Variants in ANKS1B observed in about 807,000 individuals in gnomAD.
ANKS1B encodes the protein ankyrin repeat and sterile alpha motif domain containing 1B.
In ANKS1B, 36 loss-of-function variants were observed where a neutral mutation model predicts 148.3. The observed-to-expected ratio is 0.24, with a 90% CI of 0.19 to 0.32. The LOEUF (loss-of-function observed/expected upper bound fraction) is 0.32, where lower values mean the gene tolerates loss of function less well. ANKS1B is among the 10% of genes least tolerant of loss of function. The pLI is 1.00. For missense variants in ANKS1B, 1,157 were observed against 1,542.6 expected (o/e 0.75, Z 4.19); for synonymous variants, 542 against 560.8 (o/e 0.97, Z 0.47).
At chr12:99,654,121 T>G (rs2098438816) in intron 9 of ANKS1B, among the ~76,000 whole-genome samples, 1 of 152,194 alleles carries the variant, frequency 6.6e-6, no homozygotes, top group South Asian at 2.1e-4. Flanking sequence ...AAGAGATTTT[T>G]TAAGTACTAT....
intron 17 of ANKS1B, among the ~76,000 whole-genome samples, chr12:98,846,536 C>T (rs746083141): frequency 5.9e-5 from 9 of 152,282 alleles, no homozygotes; most frequent in Admixed American, 6.5e-5. Flanking sequence ...GTGGATGAGC[C>T]GAAAACCTCT....
At chr12:98,980,904 T>C (rs1182727496) in intron 17 of ANKS1B, among the ~76,000 whole-genome samples, 7 of 152,172 alleles carry the variant, frequency 4.6e-5, no homozygotes, top group Admixed American at 1.3e-4. Flanking sequence ...CCTGGGGCAA[T>C]TGTAGAAATC....
At chr12:99,710,426 T>C (rs947232883) in intron 8 of ANKS1B, among the ~76,000 whole-genome samples, 6 of 152,224 alleles carry the variant, frequency 3.9e-5, no homozygotes, top group African/African-American at 1.2e-4. Context: ...ACCTATAGTT[T>C]ATGGGATAAA....
intron 19 of ANKS1B, among the ~76,000 whole-genome samples, chr12:98,820,610 T>C (rs2099179622): frequency 6.6e-6 from 1 of 152,138 alleles, no homozygotes; most frequent in South Asian, 2.1e-4. Context: ...CAACATACAC[T>C]TTACCAAAAA....
At chr12:99,274,645 T>C (rs1466069940) in intron 12 of ANKS1B, among the ~76,000 whole-genome samples, 1 of 152,216 alleles carries the variant, frequency 6.6e-6, no homozygotes, top group African/African-American at 2.4e-5. Context: ...CAATGCCCTT[T>C]TAGTTTCTGC....
chr12:99,919,052 G>C (rs1179429881), intron 1 of ANKS1B, among the ~76,000 whole-genome samples: 1 of 152,184 alleles, frequency 6.6e-6, no homozygotes, highest in Admixed American at 6.5e-5. Context: ...CTTTGTACTA[G>C]CTAATCCTTA....
chr12:99,584,130 A>G (rs1320665627), intron 9 of ANKS1B, among the ~76,000 whole-genome samples: 3 of 152,240 alleles, frequency 2.0e-5, no homozygotes, highest in African/African-American at 7.2e-5. Context: ...ACACAGAAAG[A>G]ACAGAAAGGT....
chr12:99,815,068 C>T (rs1449478776), intron 2 of ANKS1B, among the ~76,000 whole-genome samples: 1 of 151,712 alleles, frequency 6.6e-6, no homozygotes, highest in Non-Finnish European at 1.5e-5. Context: ...TCTGAAACAA[C>T]TTCTCCTATA....
chr12:99,292,336 A>C (rs1239099214), intron 12 of ANKS1B, among the ~76,000 whole-genome samples: 1 of 148,022 alleles, frequency 6.8e-6, no homozygotes, highest in Non-Finnish European at 1.5e-5. Context: ...CTAAAAATAA[A>C]AATAAAAATA....
intron 17 of ANKS1B, among the ~76,000 whole-genome samples, chr12:98,997,812 C>T (rs1475459803): frequency 1.3e-5 from 2 of 152,150 alleles, no homozygotes; most frequent in South Asian, 2.1e-4. Flanking sequence ...AATCTTCGGA[C>T]ACTTAAATGT....
Position 98,745,426 on chromosome 12 carries a change from T to C in ANKS1B, c.*313A>G. ...AAGAAAAGGTATTATTTTCCCCAAATGAAGCAAAGCAAGTACTGGGGCGGA... is the reference window on the plus strand; with the variant it reads ...AAGAAAAGGTATTATTTTCCCCAAACGAAGCAAAGCAAGTACTGGGGCGGA... On this transcript the variant is annotated 3_prime_UTR_variant, in exon 27 of 27. Coordinates refer to ENST00000683438, the MANE Select transcript of ANKS1B (RefSeq NM_001352186.2). 3 of 1,001,314 alleles carry C rather than the reference T, an allele frequency of 3.0e-6. No individual in the cohort carries two copies. The highest frequency in any genetic ancestry group is 3.6e-6 in the Non-Finnish European group (3 of 843,516). 62.0% of individuals were successfully genotyped at this position (1,001,314 alleles called of 1,614,324 possible). A position where few individuals can be genotyped will look rare whatever the true frequency, so the allele number is the denominator to read the frequency against.
chr12:99,148,538 A>T (rs188269391), intron 15 of ANKS1B, among the ~76,000 whole-genome samples: 1 of 152,262 alleles, frequency 6.6e-6, no homozygotes, highest in East Asian at 1.9e-4. Flanking sequence ...TACAAGAACA[A>T]TTAGTAGCTC....
intron 9 of ANKS1B, among the ~76,000 whole-genome samples, chr12:99,653,586 C>G (rs1428145655): frequency 6.6e-6 from 1 of 151,802 alleles, no homozygotes; most frequent in Non-Finnish European, 1.5e-5. Flanking sequence ...ATTCATTCAA[C>G]TATTACTTCA....
chr12:99,843,581 ATGAT>A (rs2086122260), intron 1 of ANKS1B, among the ~76,000 whole-genome samples: 1 of 152,130 alleles, frequency 6.6e-6, no homozygotes, highest in Non-Finnish European at 1.5e-5. Flanking sequence ...TGCAAAGGAC[ATGAT>A]TTTTTTCCTT....
At chr12:99,338,339 T>C (rs2089326518) in intron 12 of ANKS1B, among the ~76,000 whole-genome samples, 1 of 152,152 alleles carries the variant, frequency 6.6e-6, no homozygotes. Flanking sequence ...TGTGTGGCTA[T>C]TGCCGATATT....
intron 17 of ANKS1B, among the ~76,000 whole-genome samples, chr12:99,049,655 C>A (rs1313633481): frequency 1.3e-5 from 2 of 152,128 alleles, no homozygotes; most frequent in African/African-American, 4.8e-5. Context: ...ATTAAACAGT[C>A]ATGTAAATAT....
At chr12:99,935,615 C>G (rs930620276) in intron 1 of ANKS1B, among the ~76,000 whole-genome samples, 3 of 152,106 alleles carry the variant, frequency 2.0e-5, no homozygotes, top group Non-Finnish European at 4.4e-5. Flanking sequence ...TCAGGAGCCA[C>G]TCTCAACTTC....
At chr12:99,464,769 C>T (rs1439666886) in intron 10 of ANKS1B, among the ~76,000 whole-genome samples, 2 of 152,118 alleles carry the variant, frequency 1.3e-5, no homozygotes, top group South Asian at 4.1e-4. Context: ...ATGAACAAAG[C>T]CTCCAAGAAA....
intron 17 of ANKS1B, among the ~76,000 whole-genome samples, chr12:99,045,824 C>T (rs112928891): frequency 3.9e-5 from 6 of 152,170 alleles, no homozygotes; most frequent in African/African-American, 1.4e-4. Context: ...AATTTCTAGG[C>T]CATGCAGCAG....
Sources: gnomAD v4.1 joint callset for allele counts (sites outside exome capture counted in the v4.1 genomes callset) on GRCh38, gnomAD v4.1.1 for gene constraint, MANE v1.5 for transcripts, NCBI Gene and HGNC (gene_info 2026-07-23, HGNC 2026-07-21) for gene names.